Variants in ULK4 observed in about 807,000 individuals in gnomAD.
ULK4 encodes the protein inactive serine/threonine-protein kinase ULK4.
Under a neutral mutation model 160.6 loss-of-function variants are expected in ULK4, and 133 were observed. That is an observed-to-expected ratio of 0.83 (90% CI 0.72 to 0.96). The LOEUF is 0.96. ULK4 is among the 40% of genes least tolerant of loss of function. The probability of loss-of-function intolerance (pLI) is 0.00; values close to 1 mark genes in which losing one functional copy is unlikely to be tolerated. For synonymous variants in ULK4, 534 were observed against 539.8 expected, an observed-to-expected ratio of 0.99 and a Z score of 0.15; for missense variants, 1,580 against 1,499.5, an observed-to-expected ratio of 1.05 and a Z score of -0.89.
chr3:41,278,310 C>A (rs1470572540), intron 35 of ULK4, among the ~76,000 whole-genome samples: 1 of 152,208 alleles, frequency 6.6e-6, no homozygotes, highest in South Asian at 2.1e-4. Flanking sequence ...CTGGGCAGAG[C>A]CCACTACAGC....
At position 41,948,139 on chromosome 3, in the gene ULK4, G is replaced by C. The variant is rs115788263; in HGVS notation, c.138+6483C>G. Among the ~76,000 whole-genome samples, 1,337 of 152,114 alleles carry C rather than the reference G, an allele frequency of 8.8e-3. 21 individuals are homozygous for C. The highest frequency in any genetic ancestry group is 0.031 in the African/African-American group (1,288 of 41,492). The stretch of plus-strand genomic sequence containing the variant: ...TATTTCTTGTTCCATTAGTGACTGT[G>C]ACGTAAGAGACATCATGAAAGAATA... On this transcript the variant is annotated intron_variant, in intron 2 of 36. Coordinates refer to ENST00000301831, the MANE Select transcript of ULK4 (RefSeq NM_017886.4).
At chr3:41,510,623 A>G (rs1218223329) in intron 32 of ULK4, among the ~76,000 whole-genome samples, 1 of 152,212 alleles carries the variant, frequency 6.6e-6, no homozygotes, top group Non-Finnish European at 1.5e-5. Context: ...TCGAAATTAT[A>G]TCTAGCACTC....
chr3:41,868,408 T>C (rs1033304932), intron 17 of ULK4, among the ~76,000 whole-genome samples: 42 of 152,236 alleles, frequency 2.8e-4, no homozygotes, highest in Non-Finnish European at 4.1e-4. Context: ...TTCTTGTTAC[T>C]AGTGTTTCCA....
chr3:41,550,128 A>G (rs2087006810), intron 32 of ULK4, among the ~76,000 whole-genome samples: 1 of 152,132 alleles, frequency 6.6e-6, no homozygotes, highest in Admixed American at 6.5e-5. Flanking sequence ...CTACTGGTAG[A>G]GCAAACAAAA....
At chr3:41,508,617 G>A (rs1174029182) in intron 32 of ULK4, among the ~76,000 whole-genome samples, 8 of 152,166 alleles carry the variant, frequency 5.3e-5, no homozygotes, top group Admixed American at 2.0e-4. Flanking sequence ...ATTCACAGCC[G>A]AAAGACATAA....
intron 34 of ULK4, among the ~76,000 whole-genome samples, chr3:41,427,617 T>A (rs556395693): frequency 4.6e-5 from 7 of 152,352 alleles, no homozygotes; most frequent in African/African-American, 1.4e-4. Flanking sequence ...TGGTTCCACA[T>A]ATGTAAGTCA....
At chr3:41,333,773 G>A (rs1245896837) in intron 35 of ULK4, among the ~76,000 whole-genome samples, 1 of 152,046 alleles carries the variant, frequency 6.6e-6, no homozygotes, top group Non-Finnish European at 1.5e-5. Flanking sequence ...AACCAATTTG[G>A]CAGCACATCA....
chr3:41,600,290 T>C (rs1265461325), intron 31 of ULK4, among the ~76,000 whole-genome samples: 1 of 152,204 alleles, frequency 6.6e-6, no homozygotes, highest in Non-Finnish European at 1.5e-5. Context: ...AAACATGACA[T>C]AGTTCCTGCT....
chr3:41,836,563 G>C (rs748987186), intron 17 of ULK4, among the ~76,000 whole-genome samples: 5 of 152,158 alleles, frequency 3.3e-5, no homozygotes, highest in Non-Finnish European at 5.9e-5. Flanking sequence ...TAGAGGCTGA[G>C]AGAGGTTCCA....
At chr3:41,389,041 T>C (rs1241105955) in intron 35 of ULK4, among the ~76,000 whole-genome samples, 1 of 151,908 alleles carries the variant, frequency 6.6e-6, no homozygotes, top group Admixed American at 6.6e-5. Context: ...TGTATCCTCT[T>C]TTATTCCATT....
chr3:41,956,239 T>C (rs1236023269), intron 1 of ULK4, among the ~76,000 whole-genome samples: 3 of 152,104 alleles, frequency 2.0e-5, no homozygotes, highest in South Asian at 2.1e-4. Flanking sequence ...ATCAATGAAA[T>C]TGGCTGACTG....
intron 32 of ULK4, among the ~76,000 whole-genome samples, chr3:41,537,908 A>T (rs138732225): frequency 3.4e-5 from 5 of 148,612 alleles, no homozygotes; most frequent in African/African-American, 1.3e-4. Flanking sequence ...ACTAATAAGG[A>T]ATGTCCTTTG....
At chr3:41,742,964 G>A (rs1009659316) in intron 22 of ULK4, among the ~76,000 whole-genome samples, 1 of 151,790 alleles carries the variant, frequency 6.6e-6, no homozygotes, top group African/African-American at 2.4e-5. Context: ...TAGAGTCTCA[G>A]GGATCAGTAG....
chr3:41,772,151 T>A (rs1053120418), intron 21 of ULK4, among the ~76,000 whole-genome samples: 3 of 151,922 alleles, frequency 2.0e-5, no homozygotes, highest in African/African-American at 2.4e-5. Flanking sequence ...CTATCACAAT[T>A]AAAAGAACTA....
intron 31 of ULK4, among the ~76,000 whole-genome samples, chr3:41,567,355 G>T (rs2087816307): frequency 6.6e-6 from 1 of 151,254 alleles, no homozygotes; most frequent in Admixed American, 6.6e-5. Context: ...GAGCAGGGAA[G>T]CAAGGTTCAG....
intron 34 of ULK4, among the ~76,000 whole-genome samples, chr3:41,447,659 T>C (rs2083332085): frequency 6.6e-6 from 1 of 152,176 alleles, no homozygotes; most frequent in Admixed American, 6.5e-5. Flanking sequence ...CTCAGAGGCT[T>C]CGTGCTCACC....
At chr3:41,402,177 C>T (rs900313253) in intron 34 of ULK4, among the ~76,000 whole-genome samples, 4 of 152,098 alleles carry the variant, frequency 2.6e-5, no homozygotes, top group African/African-American at 7.2e-5. Flanking sequence ...TTAATGTATA[C>T]ATTTTGATGA....
intron 17 of ULK4, among the ~76,000 whole-genome samples, chr3:41,841,456 C>G (rs1354944410): frequency 6.8e-6 from 1 of 148,020 alleles, no homozygotes; most frequent in Non-Finnish European, 1.5e-5. Context: ...TCTGCCCGGC[C>G]GCCCCGTCTG....
In ULK4 at chr3:41,746,272, C is replaced by CAAAAAAA. The variant is rs34582395; in HGVS notation, c.2321+8082_2321+8088dup. Reference sequence around the variant, plus strand: ...TATATAGAAAATCTCCTGGAACCCACAAAAAAAAAAAAAAAAAAAAAAAAC... The same window carrying CAAAAAAA: ...TATATAGAAAATCTCCTGGAACCCACAAAAAAAAAAAAAAAAAAAAAAAAAAAAAAAC... On this transcript the variant is annotated intron_variant, in intron 22 of 36. Coordinates refer to ENST00000301831, the MANE Select transcript of ULK4 (RefSeq NM_017886.4). Among the ~76,000 whole-genome samples, 230 of 45,690 alleles carry CAAAAAAA rather than the reference C, an allele frequency of 5.0e-3. 22 individuals carry two copies. The highest frequency in any genetic ancestry group is 0.023 in the African/African-American group (212 of 9,378). The allele number at this position is 45,690 out of a possible 152,430, so 30.0% of individuals were successfully genotyped here.
Sources: allele counts gnomAD v4.1 joint callset (sites outside exome capture counted in the v4.1 genomes callset), GRCh38; gene constraint gnomAD v4.1.1; transcripts MANE v1.5; gene names NCBI Gene and HGNC (gene_info 2026-07-23, HGNC 2026-07-21).